Variants in VPS36 observed in about 807,000 individuals in gnomAD.
VPS36 encodes vacuolar protein sorting 36 homolog, also known as vacuolar protein-sorting-associated protein 36.
In VPS36, 31 loss-of-function variants were observed where a neutral mutation model predicts 63.5. The observed-to-expected ratio is 0.49, with a 90% confidence interval of 0.37 to 0.66. VPS36 has a LOEUF of 0.66. Ranked by LOEUF, VPS36 falls within the 30% of genes least tolerant of loss-of-function variation. VPS36 has a pLI of 0.00. For synonymous variants in VPS36, 138 were observed against 157.2 expected (o/e 0.88, Z 0.91); for missense variants, 338 against 463.7 (o/e 0.73, Z 2.49).
Position 52,436,773 on chromosome 13 carries a change from A to G in VPS36, c.237-369T>C, listed in dbSNP as rs116119043. ...GCCTATAATTTCTGCCAAAGCATAC[A>G]CCCTTATTCATTTGAAAACAAAATG... On this transcript the variant is annotated intron_variant, in intron 3 of 13. Transcript: ENST00000378060. 7.4e-3 allele frequency among the ~76,000 whole-genome samples: 1,130 copies of G among 152,298 alleles called. 6 individuals are homozygous for G. The highest frequency in any genetic ancestry group is 0.017 in the African/African-American group (700 of 41,566).
In VPS36 at chr13:52,450,452, G is replaced by C. The variant is rs771891265; in HGVS notation, c.96+47C>G. The C allele has an allele frequency of 4.5e-6, 7 of 1,552,962 alleles. No homozygotes were observed. In the Admixed American group the frequency reaches 1.3e-4, roughly 29 times the overall value. ...CGCTGAGCCGGGCCGCGCGCCCACC[G>C]GGGGTCCCTTCCGCCAGCCCGTTGG... On this transcript the variant is annotated intron_variant, in intron 1 of 13. Transcript: ENST00000378060.
intron 10 of VPS36, among the ~76,000 whole-genome samples, chr13:52,419,059 A>AC (rs2137771910): frequency 6.6e-6 from 1 of 152,382 alleles, no homozygotes; most frequent in East Asian, 1.9e-4. Flanking sequence ...TTGGGAGGAT[A>AC]AATGAGGTAA....
At chr13:52,426,340 A>C (rs946598984) in intron 8 of VPS36, among the ~76,000 whole-genome samples, 16 of 152,212 alleles carry the variant, frequency 1.1e-4, no homozygotes, top group Non-Finnish European at 1.5e-4. Context: ...GCTATATTTA[A>C]TGCCAACCAA....
chr13:52,445,190 T>C (rs985487023), intron 1 of VPS36, among the ~76,000 whole-genome samples: 1 of 152,206 alleles, frequency 6.6e-6, no homozygotes, highest in African/African-American at 2.4e-5. Context: ...ATAAAACATA[T>C]GTACTTCTGG....
At chr13:52,423,153 C>T (rs891393460) in intron 10 of VPS36, among the ~76,000 whole-genome samples, 4 of 152,152 alleles carry the variant, frequency 2.6e-5, no homozygotes, top group Non-Finnish European at 5.9e-5. Context: ...ATTGCCCAGT[C>T]TCAGGTATGT....
chr13:52,426,064 G>A lies in VPS36; in HGVS notation c.642C>T (p.Thr214=). 1.9e-6 allele frequency: 3 copies of A among 1,607,396 alleles called. No individual in the cohort carries two copies. The South Asian group carries it at 3.4e-5, about 18-fold the overall frequency. The change falls in exon 9 of 14, where the codon ACC becomes ACT. Residue 214 remains threonine, a splice_region_variant and synonymous_variant. Transcript: ENST00000378060. ...TCAGCAAGTAGGATTTAAACCTGAT[G>A]GTCTATAATAAAAAAGGAGAAAATG... is the stretch of plus-strand genomic sequence containing the variant. ...DKQGDITEDE[T]IRFKSYLLSM...
At chr13:52,446,027 G>C (rs1958338774) in intron 1 of VPS36, among the ~76,000 whole-genome samples, 1 of 144,626 alleles carries the variant, frequency 6.9e-6, no homozygotes, top group African/African-American at 2.6e-5. Context: ...GAGGCAGGCA[G>C]ATCAAGAGGT....
Position 52,415,697 on chromosome 13 carries a change from TAA to T in VPS36, c.*131_*132del. 2 of 877,800 alleles carry T rather than the reference TAA, an allele frequency of 2.3e-6. No individual in the cohort carries two copies. The highest frequency in any genetic ancestry group is 3.6e-6 in the Non-Finnish European group (2 of 556,224). 54.4% of individuals were successfully genotyped at this position (877,800 alleles called of 1,614,324 possible). On this transcript the variant is annotated 3_prime_UTR_variant, in exon 14 of 14. Coordinates refer to ENST00000378060, the MANE Select transcript of VPS36 (RefSeq NM_016075.4). Reference sequence around the variant, plus strand: ...TCCTGGACCATATTTAGTGAGAAATTAAAAGAGATTTACATTGCACTGTGAAG... The same window carrying T: ...TCCTGGACCATATTTAGTGAGAAATTAAGAGATTTACATTGCACTGTGAAG...
At chr13:52,449,266 G>A (rs1958374817) in intron 1 of VPS36, among the ~76,000 whole-genome samples, 1 of 152,224 alleles carries the variant, frequency 6.6e-6, no homozygotes, top group South Asian at 2.1e-4. Flanking sequence ...TTGAATCTGG[G>A]AGGCGGAGGT....
At chr13:52,428,076 T>C (rs1958122087) in intron 6 of VPS36, among the ~76,000 whole-genome samples, 1 of 152,210 alleles carries the variant, frequency 6.6e-6, no homozygotes, top group African/African-American at 2.4e-5. Flanking sequence ...CTGATTATCA[T>C]ACTCATTATG....
chr13:52,423,704 CAG>C, intron 9 of VPS36, 65 bp from the exon 10 acceptor site: 1 of 1,395,252 alleles, frequency 7.2e-7, no homozygotes, highest in South Asian at 1.3e-5. Context: ...CATTTCTTAA[CAG>C]AAATCATAAT....
At chr13:52,441,681 G>A (rs1467020175) in intron 2 of VPS36, among the ~76,000 whole-genome samples, 2 of 152,164 alleles carry the variant, frequency 1.3e-5, no homozygotes, top group African/African-American at 4.8e-5. Context: ...GAACCTGGGA[G>A]GCGGAGGTTG....
chr13:52,436,199 C>A, intron 4 of VPS36, 91 bp downstream of exon 4: 1 of 782,062 alleles, frequency 1.3e-6, no homozygotes, highest in South Asian at 2.0e-5. Flanking sequence ...TACTACCTTC[C>A]ATCATATTAA....
At chr13:52,427,690 T>G (rs986782545) in intron 6 of VPS36, among the ~76,000 whole-genome samples, 12 of 152,166 alleles carry the variant, frequency 7.9e-5, no homozygotes, top group African/African-American at 2.9e-4. Flanking sequence ...TACCTTATTC[T>G]AAAATTTCAT....
At chr13:52,430,404 G>A (rs1396658345) in intron 6 of VPS36, among the ~76,000 whole-genome samples, 2 of 152,024 alleles carry the variant, frequency 1.3e-5, no homozygotes, top group Admixed American at 6.6e-5. Context: ...AGGCTGAGGC[G>A]ACCGGATCAC....
At chr13:52,416,368 A>G (rs1207784303) in intron 12 of VPS36, 4 of 335,912 alleles carry the variant, frequency 1.2e-5, no homozygotes, top group Non-Finnish European at 2.1e-5. Context: ...CTAAAGCCTA[A>G]AAAGAACTAT....
chr13:52,415,823 A>C lies in VPS36; in HGVS notation c.*7T>G. 1 of 1,613,374 alleles carries C rather than the reference A, an allele frequency of 6.2e-7. No individual in the cohort carries two copies. The highest frequency in any genetic ancestry group is 1.1e-5 in the South Asian group (1 of 90,824). ...TATGGACAAAAAGGATTTTAAATAC[A>C]AAACCCTTAGCTCTGTGTCATAAAT... On this transcript the variant is annotated 3_prime_UTR_variant, in exon 14 of 14. Transcript: ENST00000378060.
chr13:52,445,813 G>A (rs1468044928), intron 1 of VPS36, among the ~76,000 whole-genome samples: 2 of 136,366 alleles, frequency 1.5e-5, no homozygotes, highest in African/African-American at 5.4e-5. Context: ...GGTAGCGGGT[G>A]CCTGTAGTCC....
At chr13:52,427,438 T>C (rs1958113809) in intron 6 of VPS36, among the ~76,000 whole-genome samples, 1 of 152,084 alleles carries the variant, frequency 6.6e-6, no homozygotes, top group South Asian at 2.1e-4. Context: ...ACCCCGTCTC[T>C]ACTAAAAATA....
Sources: allele counts gnomAD v4.1 joint callset (sites outside exome capture counted in the v4.1 genomes callset), GRCh38; gene constraint gnomAD v4.1.1; transcripts MANE v1.5; gene names NCBI Gene and HGNC (gene_info 2026-07-23, HGNC 2026-07-21).